The following SRPRB variants were observed in gnomAD, a reference collection of about 807,000 sequenced individuals.
SRPRB encodes the protein signal recognition particle receptor subunit beta.
In SRPRB, 20 loss-of-function variants were observed where a neutral mutation model predicts 31.9. The ratio of observed to expected loss-of-function variants is 0.63; its 90% confidence interval spans 0.44 to 0.91. The LOEUF (loss-of-function observed/expected upper bound fraction) is 0.91. Among genes scored for constraint, SRPRB ranks in the 40% least tolerant of loss-of-function variants. The pLI is 0.00. For missense variants in SRPRB, 321 were observed against 324.9 expected (o/e 0.99, Z 0.09); for synonymous variants, 146 against 132.8 (o/e 1.10, Z -0.68).
chr3:133,808,365 A>G (rs1271928136), intron 3 of SRPRB, among the ~76,000 whole-genome samples: 1 of 150,942 alleles, frequency 6.6e-6, no homozygotes, highest in Non-Finnish European at 1.5e-5. Context: ...TTTTTCTCAT[A>G]CGGCTGATAC....
downstream of SRPRB, chr3:133,821,594 G>A (rs747798548): frequency 3.3e-5 from 5 of 152,176 alleles, no homozygotes; most frequent in African/African-American, 4.8e-5. Flanking sequence ...CTGCAAGTTT[G>A]AGTTTGATTC....
downstream of SRPRB, chr3:133,824,799 G>C (rs576353975): frequency 6.6e-6 from 1 of 152,176 alleles, no homozygotes; most frequent in Non-Finnish European, 1.5e-5. Flanking sequence ...GAGATGGTCT[G>C]AGGAACACAC....
In SRPRB at chr3:133,799,793, G is replaced by C. The variant is rs577019728; in HGVS notation, c.-173-5883G>C. On this transcript the variant is annotated intron_variant, in intron 1 of 7. Coordinates refer to the SRPRB transcript ENST00000466490. ...GAAGAGACCCCTTCTGTGTTTAACA[G>C]ACAAAAAGTTATCCTTGAATGTGAA... 2.8e-3 allele frequency among the ~76,000 whole-genome samples: 428 copies of C among 152,270 alleles called. 2 individuals carry two copies. The highest frequency in any genetic ancestry group is 9.8e-3 in the African/African-American group (408 of 41,550).
At chr3:133,791,548 T>A (rs1282684729) in intron 1 of SRPRB, 1 of 152,138 alleles carries the variant, frequency 6.6e-6, no homozygotes, top group African/African-American at 2.4e-5. Flanking sequence ...TTGATTAATA[T>A]AAAAAAAGAA....
chr3:133,803,988 C>T (rs1417648745), upstream of SRPRB, among the ~76,000 whole-genome samples: 9 of 140,800 alleles, frequency 6.4e-5, no homozygotes, highest in Middle Eastern at 4.1e-3. Context: ...CCCAGCTACT[C>T]GGGAGGCTGA....
At chr3:133,784,459 C>T (rs1160434432) in intron 1 of SRPRB, 2 of 97,336 alleles carry the variant, frequency 2.1e-5, no homozygotes, top group African/African-American at 4.8e-5. Context: ...TGTAAATTCC[C>T]ATTTGTTAAA....
At chr3:133,822,756 C>G (rs1486758256), downstream of SRPRB, among the ~76,000 whole-genome samples, 1 of 152,200 alleles carries the variant, frequency 6.6e-6, no homozygotes, top group East Asian at 1.9e-4. Flanking sequence ...TCATGCCTGT[C>G]CTCACCTGAA....
Position 133,820,912 on chromosome 3 carries a change from C to G in SRPRB, c.*1146C>G, listed in dbSNP as rs1935461060. ...CTACCCCACACACTCAGGGACAAGCCCAACTAAAGCTTACAAGGAGACCAG... is the reference window on the plus strand; with the variant it reads ...CTACCCCACACACTCAGGGACAAGCGCAACTAAAGCTTACAAGGAGACCAG... On this transcript the variant is annotated 3_prime_UTR_variant, in exon 7 of 7. Coordinates refer to ENST00000678299, the MANE Select transcript of SRPRB (RefSeq NM_001379313.1). 2 of 152,208 alleles carry G rather than the reference C, an allele frequency of 1.3e-5. No individual in the cohort carries two copies. The highest frequency in any genetic ancestry group is 4.8e-5 in the African/African-American group (2 of 41,388). The allele number at this position is 152,208 out of a possible 1,614,324, so 9.4% of individuals were successfully genotyped here. A position where few individuals can be genotyped will look rare whatever the true frequency, so the allele number is the denominator to read the frequency against.
chr3:133,804,045 G>A (rs1354613505), upstream of SRPRB, among the ~76,000 whole-genome samples: 1 of 130,454 alleles, frequency 7.7e-6, no homozygotes, highest in South Asian at 2.6e-4. Flanking sequence ...GCAGTGAGCC[G>A]AGATCGCACC....
intron 3 of SRPRB, among the ~76,000 whole-genome samples, chr3:133,809,227 A>C (rs1266437403): frequency 6.6e-6 from 1 of 152,082 alleles, no homozygotes; most frequent in Non-Finnish European, 1.5e-5. Context: ...TCCTGACCTC[A>C]AGTGATCCGC....
chr3:133,816,692 T>C (rs374594233), intron 5 of SRPRB, among the ~76,000 whole-genome samples, 186 bp from the exon 6 acceptor site: 1 of 152,202 alleles, frequency 6.6e-6, no homozygotes, highest in Admixed American at 6.5e-5. Flanking sequence ...AAGCATTATC[T>C]TGGGAAAGCC....
At chr3:133,805,654 G>C (rs986187043), upstream of SRPRB, 2 of 553,088 alleles carry the variant, frequency 3.6e-6, no homozygotes, top group Admixed American at 3.9e-5. Context: ...CAAATAACCT[G>C]TCTGCCCCTA....
chr3:133,792,751 G>A (rs1934872379), intron 1 of SRPRB: 1 of 152,122 alleles, frequency 6.6e-6, no homozygotes, highest in Admixed American at 6.5e-5. Context: ...TTAAAGGATT[G>A]TTTTAAGTTA....
chr3:133,792,505 C>T (rs1934865905), intron 1 of SRPRB: 1 of 152,114 alleles, frequency 6.6e-6, no homozygotes, highest in African/African-American at 2.4e-5. Context: ...TGGAGTCAGA[C>T]CTTAAGTGTA....
chr3:133,815,069 A>T (rs1230930288), intron 4 of SRPRB, among the ~76,000 whole-genome samples: 1 of 152,130 alleles, frequency 6.6e-6, no homozygotes, highest in Non-Finnish European at 1.5e-5. Flanking sequence ...GCTTGAACAT[A>T]CTGTAGGCTG....
chr3:133,819,498 A>G (rs1026258828), intron 6 of SRPRB, 55 bp from the exon 7 acceptor site: 18 of 1,522,590 alleles, frequency 1.2e-5, no homozygotes, highest in African/African-American at 2.7e-5. Context: ...AACTAATATG[A>G]TTTAATTGCT....
intron 6 of SRPRB, among the ~76,000 whole-genome samples, chr3:133,819,011 A>AG (rs1380228981): frequency 6.6e-6 from 1 of 152,162 alleles, no homozygotes; most frequent in Non-Finnish European, 1.5e-5. Flanking sequence ...ACCCTTTATT[A>AG]GGGCCAGCAG....
chr3:133,821,906 C>T (rs1220951004), downstream of SRPRB, among the ~76,000 whole-genome samples: 1 of 152,180 alleles, frequency 6.6e-6, no homozygotes, highest in Non-Finnish European at 1.5e-5. Context: ...AGGGTCAAGT[C>T]AGCAGGCATG....
chr3:133,797,809 T>A (rs1935000642), intron 1 of SRPRB, among the ~76,000 whole-genome samples: 1 of 152,222 alleles, frequency 6.6e-6, no homozygotes, highest in Non-Finnish European at 1.5e-5. Context: ...TAGTAAAATA[T>A]CCCTTTATAA....
Sources: gnomAD v4.1 joint callset for allele counts (sites outside exome capture counted in the v4.1 genomes callset) on GRCh38, gnomAD v4.1.1 for gene constraint, MANE v1.5 for transcripts, NCBI Gene and HGNC (gene_info 2026-07-23, HGNC 2026-07-21) for gene names.